Variants in ATP6V0A4 observed in about 807,000 individuals in gnomAD.
The protein encoded by ATP6V0A4 is V-type proton ATPase 116 kDa subunit a 4.
A neutral mutation model predicts 107.3 loss-of-function variants in ATP6V0A4; 86 were observed. That is an observed-to-expected ratio of 0.80 (90% CI 0.67 to 0.96). The LOEUF is 0.96. ATP6V0A4 is among the 40% of genes least tolerant of loss of function. The probability of loss-of-function intolerance (pLI) is 0.00; values close to 1 mark genes in which losing one functional copy is unlikely to be tolerated. For synonymous variants in ATP6V0A4, 353 were observed against 381.4 expected (o/e 0.93, Z 0.87); for missense variants, 908 against 1,045.6 (o/e 0.87, Z 1.81).
rs759462610 is a variant in ATP6V0A4, at chr7:138,747,414, T to C, written c.1320+11A>G. On this transcript the variant is annotated intron_variant, in intron 13 of 21. Coordinates refer to ENST00000310018, the MANE Select transcript of ATP6V0A4 (RefSeq NM_020632.3). ...AAATGAATCAGGGCAAGACGGTCAA[T>C]GGACACTCACCTCATTGTCTGTCTT... 10 of 1,613,720 alleles carry C rather than the reference T, an allele frequency of 6.2e-6. No individual in the cohort carries two copies.
intron 20 of ATP6V0A4, among the ~76,000 whole-genome samples, chr7:138,713,343 A>G (rs565386835): frequency 1.3e-3 from 199 of 151,130 alleles, no homozygotes; most frequent in Middle Eastern, 6.8e-3. Context: ...TGCAGGGCTG[A>G]GTGTGTGCAT....
chr7:138,759,052 ATTTTT>A (rs33940158), intron 8 of ATP6V0A4, among the ~76,000 whole-genome samples: 92 of 54,558 alleles, frequency 1.7e-3, no homozygotes, highest in Middle Eastern at 0.022. Context: ...TGCCCAGCCT[ATTTTT>A]TTTTTTTTTT....
intron 20 of ATP6V0A4, among the ~76,000 whole-genome samples, chr7:138,711,672 C>A (rs1235644178): frequency 2.6e-5 from 4 of 152,194 alleles, no homozygotes; most frequent in African/African-American, 9.7e-5. Context: ...GCAGCTTCAC[C>A]CCCGTCGGGT....
intron 20 of ATP6V0A4, among the ~76,000 whole-genome samples, chr7:138,715,523 C>T (rs1402680252): frequency 1.3e-5 from 2 of 151,950 alleles, no homozygotes; most frequent in African/African-American, 2.4e-5. Flanking sequence ...TTTTAAGCCA[C>T]GAGTGTTTGT....
intron 19 of ATP6V0A4, among the ~76,000 whole-genome samples, chr7:138,717,264 G>C (rs192183469): frequency 1.3e-5 from 2 of 152,332 alleles, no homozygotes; most frequent in East Asian, 3.9e-4. Context: ...ACAAGGGAAA[G>C]ATCAAGGAAA....
intron 16 of ATP6V0A4, 97 bp downstream of exon 16, chr7:138,734,039 T>A (rs1805173810): frequency 2.2e-6 from 3 of 1,392,520 alleles, no homozygotes; most frequent in African/African-American, 2.8e-5. Flanking sequence ...GAAGAAAACT[T>A]GCACAGAGAG....
chr7:138,754,653 C>T (rs1673199), intron 10 of ATP6V0A4, among the ~76,000 whole-genome samples: 9,239 of 151,856 alleles, frequency 0.061, 388 homozygotes, highest in Non-Finnish European at 0.092. Context: ...GATGGAGTCT[C>T]GCTTTGTTGC....
chr7:138,729,944 C>T (rs185691917), intron 17 of ATP6V0A4, among the ~76,000 whole-genome samples: 173 of 152,234 alleles, frequency 1.1e-3, no homozygotes, highest in Non-Finnish European at 2.1e-3. Context: ...AGTGCAGTGG[C>T]GCCATCTTGG....
intron 19 of ATP6V0A4, among the ~76,000 whole-genome samples, chr7:138,721,298 G>A (rs560219564): frequency 6.6e-5 from 10 of 152,170 alleles, no homozygotes; most frequent in Admixed American, 6.5e-4. Flanking sequence ...CAGCACTTTG[G>A]GAGGCCGAGG....
At chr7:138,775,636 T>C (rs531606510) in intron 2 of ATP6V0A4, among the ~76,000 whole-genome samples, 97 of 142,150 alleles carry the variant, frequency 6.8e-4, no homozygotes, top group Non-Finnish European at 1.3e-3. Flanking sequence ...ATCACTATGA[T>C]TGGGCTGATT....
Position 138,742,100 on chromosome 7 carries a change from G to A in ATP6V0A4, c.1479-2467C>T, listed in dbSNP as rs929681947. On this transcript the variant is annotated intron_variant, in intron 14 of 21. Coordinates refer to ENST00000310018, the MANE Select transcript of ATP6V0A4 (RefSeq NM_020632.3). The stretch of plus-strand genomic sequence containing the variant: ...TGGGAAATGGAATTTCATGTTGGTA[G>A]GCTGGCGAAATTATGCAGATTGAAC... 1.2e-4 allele frequency among the ~76,000 whole-genome samples: 18 copies of A among 152,264 alleles called. 1 individual carries two copies. The South Asian group carries it at 3.5e-3, about 30-fold the overall frequency.
intron 18 of ATP6V0A4, among the ~76,000 whole-genome samples, chr7:138,725,733 G>A (rs1489384139): frequency 2.6e-5 from 4 of 152,082 alleles, no homozygotes; most frequent in East Asian, 3.9e-4. Context: ...GGCTGGTCTC[G>A]AACTCCTGAC....
At chr7:138,756,880 C>T (rs919121525) in intron 8 of ATP6V0A4, among the ~76,000 whole-genome samples, 6 of 152,174 alleles carry the variant, frequency 3.9e-5, no homozygotes, top group Admixed American at 6.5e-5. Context: ...AGGCTTAAAA[C>T]GAAGACAGCT....
intron 19 of ATP6V0A4, among the ~76,000 whole-genome samples, chr7:138,716,315 C>T (rs967873101): frequency 2.0e-5 from 3 of 152,140 alleles, no homozygotes; most frequent in Non-Finnish European, 4.4e-5. Flanking sequence ...GAATAGAAGA[C>T]AGTCCTCCTG....
At chr7:138,774,036 T>A (rs1807528177) in intron 2 of ATP6V0A4, 1 of 152,266 alleles carries the variant, frequency 6.6e-6, no homozygotes, top group African/African-American at 2.4e-5. Context: ...GGCAGCTCTG[T>A]TGTATCAACA....
intron 15 of ATP6V0A4, among the ~76,000 whole-genome samples, chr7:138,738,859 T>C (rs1414086336): frequency 6.6e-6 from 1 of 152,186 alleles, no homozygotes; most frequent in African/African-American, 2.4e-5. Context: ...GGACAGCATT[T>C]GCCAGGTTCA....
intron 18 of ATP6V0A4, among the ~76,000 whole-genome samples, chr7:138,724,596 G>T (rs1804613867): frequency 6.6e-6 from 1 of 152,206 alleles, no homozygotes; most frequent in African/African-American, 2.4e-5. Context: ...CAGCTTCTAG[G>T]TTAGGCTGTC....
At chr7:138,765,820 C>T (rs1049427078) in intron 5 of ATP6V0A4, among the ~76,000 whole-genome samples, 5 of 152,126 alleles carry the variant, frequency 3.3e-5, no homozygotes, top group African/African-American at 1.2e-4. Context: ...GTGGTGTGAA[C>T]ACAGCTTACC....
At chr7:138,776,036 T>A (rs1365802261) in intron 2 of ATP6V0A4, among the ~76,000 whole-genome samples, 2 of 152,006 alleles carry the variant, frequency 1.3e-5, no homozygotes, top group African/African-American at 2.4e-5. Context: ...GGCCTCCAAC[T>A]CCTAGCCTAC....
Sources: gnomAD v4.1 joint callset for allele counts (sites outside exome capture counted in the v4.1 genomes callset) on GRCh38, gnomAD v4.1.1 for gene constraint, MANE v1.5 for transcripts, NCBI Gene and HGNC (gene_info 2026-07-23, HGNC 2026-07-21) for gene names.